The following DCUN1D3 variants were observed in gnomAD, a reference collection of about 807,000 sequenced individuals.
The protein encoded by DCUN1D3 is DCN1-like protein 3.
Under a neutral mutation model 24.8 loss-of-function variants are expected in DCUN1D3, and 6 were observed. That is an observed-to-expected ratio of 0.24 (90% confidence interval 0.13 to 0.48). The LOEUF is 0.48. Ranked by LOEUF, DCUN1D3 falls within the 20% of genes least tolerant of loss-of-function variation. The pLI, the probability that DCUN1D3 is intolerant of heterozygous loss-of-function variation, is 0.99. For synonymous variants in DCUN1D3, 120 were observed against 144.9 expected (o/e 0.83, Z 1.24); for missense variants, 258 against 379.4 (o/e 0.68, Z 2.66).
intron 1 of DCUN1D3, among the ~76,000 whole-genome samples, chr16:20,899,007 A>G (rs970780585): frequency 6.6e-6 from 1 of 152,238 alleles, no homozygotes; most frequent in Non-Finnish European, 1.5e-5. Flanking sequence ...AAAACTAAAC[A>G]GATCACACTG....
chr16:20,884,902 AAGACCCC>A (rs2081861274), intron 1 of DCUN1D3, among the ~76,000 whole-genome samples: 1 of 152,150 alleles, frequency 6.6e-6, no homozygotes, highest in Non-Finnish European at 1.5e-5. Flanking sequence ...GCAACAGAGT[AAGACCCC>A]ATCTCAAAAT....
At chr16:20,862,729 C>T (rs1005356267) in intron 1 of DCUN1D3, 86 bp from the exon 2 acceptor site, 4 of 1,276,142 alleles carry the variant, frequency 3.1e-6, no homozygotes, top group East Asian at 5.1e-5. Context: ...TGGTTCACCG[C>T]TCTATTTCCA....
At position 20,862,199 on chromosome 16, in the gene DCUN1D3, A is replaced by T. The variant is rs764516441; in HGVS notation, c.340T>A (p.Phe114Ile). The T allele has an allele frequency of 1.9e-6, 3 of 1,614,242 alleles. No individual in the cohort carries two copies. The highest frequency in any genetic ancestry group is 1.1e-5 in the South Asian group (1 of 91,086). Residue 114 changes from phenylalanine (F) to isoleucine (I), a missense_variant, in exon 2 of 3, where the codon TTT becomes ATT. Coordinates refer to ENST00000324344, the MANE Select transcript of DCUN1D3 (RefSeq NM_173475.4). ...DAILEEGMER[F>I]CNDLCVDPTE... is the part of the protein sequence containing the mutation. ...GGGTCAACACACAGGTCATTGCAAAAGCGCTCCATGCCTTCCTCCAAAATT... is the reference window on the plus strand; with the variant it reads ...GGGTCAACACACAGGTCATTGCAAATGCGCTCCATGCCTTCCTCCAAAATT...
intron 1 of DCUN1D3, among the ~76,000 whole-genome samples, chr16:20,877,788 T>C (rs1436589859): frequency 6.6e-6 from 1 of 152,204 alleles, no homozygotes; most frequent in Non-Finnish European, 1.5e-5. Context: ...TCAATTCAGT[T>C]CTCAAGAGCT....
intron 1 of DCUN1D3, chr16:20,896,350 T>C (rs2081915799): frequency 6.6e-6 from 1 of 152,208 alleles, no homozygotes; most frequent in African/African-American, 2.4e-5. Context: ...CTTTCTAGGT[T>C]GCCCACCTTT....
chr16:20,890,085 T>TGC (rs774459379), intron 1 of DCUN1D3, among the ~76,000 whole-genome samples: 7 of 152,198 alleles, frequency 4.6e-5, no homozygotes, highest in Non-Finnish European at 8.8e-5. Flanking sequence ...ACTCATACCT[T>TGC]GCCCTATGCG....
At chr16:20,883,229 C>G (rs1458724468) in intron 1 of DCUN1D3, among the ~76,000 whole-genome samples, 2 of 152,074 alleles carry the variant, frequency 1.3e-5, no homozygotes, top group Non-Finnish European at 2.9e-5. Flanking sequence ...AAGTTTTGTT[C>G]TGGCCGGATG....
chr16:20,889,054 C>T (rs1262195820), intron 1 of DCUN1D3, among the ~76,000 whole-genome samples: 1 of 152,090 alleles, frequency 6.6e-6, no homozygotes, highest in East Asian at 1.9e-4. Context: ...ATAGTGAAAC[C>T]CCATCTCTAC....
rs557978888 is a variant in DCUN1D3 at position 20,861,993 on chromosome 16, A to G, written c.431+115T>C. 2.9e-5 allele frequency: 32 copies of G among 1,113,948 alleles called. 1 individual carries two copies. In the African/African-American group the frequency reaches 4.4e-4, roughly 15 times the overall value. 69.0% of individuals were successfully genotyped at this position (1,113,948 alleles called of 1,614,324 possible). A position where few individuals can be genotyped will look rare whatever the true frequency, so the allele number is the denominator to read the frequency against. On this transcript the variant is annotated intron_variant, in intron 2 of 2. Coordinates refer to ENST00000324344, the MANE Select transcript of DCUN1D3 (RefSeq NM_173475.4). ...AGAGAACCTGATCAGAAAAATAAAA[A>G]CTTACCCAAAACCCTATGAAGCCAA...
chr16:20,881,699 C>A (rs549986262), intron 1 of DCUN1D3, among the ~76,000 whole-genome samples: 1 of 152,134 alleles, frequency 6.6e-6, no homozygotes, highest in East Asian at 1.9e-4. Context: ...AAGCTCAGAA[C>A]TAAAGCAGCT....
Position 20,858,651 on chromosome 16 carries a change from C to T in DCUN1D3, c.*1235G>A, listed in dbSNP as rs908240593. ...CAGTCATCACATTACCCCAAATGAG[C>T]CTGACTTTAACAAAAAGATAATAAA... is the stretch of plus-strand genomic sequence containing the variant. On this transcript the variant is annotated 3_prime_UTR_variant, in exon 3 of 3. Transcript: ENST00000324344. The T allele has an allele frequency of 3.3e-5, 5 of 150,716 alleles. No individual in the cohort carries two copies. The highest frequency in any genetic ancestry group is 1.2e-4 in the African/African-American group (5 of 40,912). The allele number at this position is 150,716 out of a possible 1,614,324, so 9.3% of individuals were successfully genotyped here.
chr16:20,862,944 A>G (rs970245891), intron 1 of DCUN1D3, among the ~76,000 whole-genome samples: 5 of 152,224 alleles, frequency 3.3e-5, no homozygotes, highest in African/African-American at 1.2e-4. Flanking sequence ...AATATTCCAG[A>G]GGAAATCTGT....
intron 1 of DCUN1D3, among the ~76,000 whole-genome samples, chr16:20,899,420 C>T (rs1343899222): frequency 6.6e-6 from 1 of 152,128 alleles, no homozygotes; most frequent in Non-Finnish European, 1.5e-5. Context: ...GTACTCCCAA[C>T]GTGACAGCCT....
chr16:20,862,079 C>A, intron 2 of DCUN1D3, 29 bp downstream of exon 2: 3 of 1,606,766 alleles, frequency 1.9e-6, no homozygotes, highest in Non-Finnish European at 2.6e-6. Flanking sequence ...CCACTGCTCA[C>A]CTGGTGACAT....
rs559638721 is a variant in DCUN1D3, at chr16:20,883,317, C to A, written c.-106+16887G>T. On this transcript the variant is annotated intron_variant, in intron 1 of 2. Coordinates refer to ENST00000324344, the MANE Select transcript of DCUN1D3 (RefSeq NM_173475.4). Reference sequence around the variant, plus strand: ...CACGAGGTCAGGAGATCGAGACCATCCTGGCTAACACGGTGAAACCCCGTC... The same window carrying A: ...CACGAGGTCAGGAGATCGAGACCATACTGGCTAACACGGTGAAACCCCGTC... 6.4e-4 allele frequency among the ~76,000 whole-genome samples: 97 copies of A among 152,236 alleles called. 1 individual carries two copies. The highest frequency in any genetic ancestry group is 2.2e-3 in the African/African-American group (90 of 41,552).
intron 1 of DCUN1D3, among the ~76,000 whole-genome samples, chr16:20,894,564 A>G (rs1186499742): frequency 6.6e-6 from 1 of 152,166 alleles, no homozygotes; most frequent in Non-Finnish European, 1.5e-5. Flanking sequence ...TCCCAACACT[A>G]TGCAATCCAA....
rs2081712090 is a variant in DCUN1D3, at chr16:20,858,285, T to C, written c.*1601A>G. The C allele has an allele frequency of 6.6e-6, 1 of 152,584 alleles. No homozygotes were observed. The highest frequency in any genetic ancestry group is 1.5e-5 in the Non-Finnish European group (1 of 68,038). 9.5% of individuals were successfully genotyped at this position (152,584 alleles called of 1,614,324 possible). A position where few individuals can be genotyped will look rare whatever the true frequency, so the allele number is the denominator to read the frequency against. On this transcript the variant is annotated 3_prime_UTR_variant, in exon 3 of 3. Transcript: ENST00000324344. ...GCCCCTGTGGCAGCCTGGCCAAAGC[T>C]GGCCTTTATGGAGCCAGCGCGTGGA...
intron 1 of DCUN1D3, among the ~76,000 whole-genome samples, chr16:20,894,368 C>T (rs1288215122): frequency 2.6e-5 from 4 of 152,114 alleles, no homozygotes; most frequent in African/African-American, 4.8e-5. Context: ...GCAGTGGCTC[C>T]GAGATGCTAA....
Position 20,860,502 on chromosome 16 carries a change from T to G in DCUN1D3, c.432-133A>C. On this transcript the variant is annotated intron_variant, in intron 2 of 2. Transcript: ENST00000324344. This position sits in a 1 kb window ranked among gnomAD's most constrained non-coding sequence, Gnocchi z 4.3. ...AATTCTAACTCCTCCAACTAATTAGTCCTATTTCCTTACTTGTCAAATGGT... is the reference window on the plus strand; with the variant it reads ...AATTCTAACTCCTCCAACTAATTAGGCCTATTTCCTTACTTGTCAAATGGT... 1.7e-5 allele frequency: 16 copies of G among 921,044 alleles called. No homozygotes were observed. Among genetic ancestry groups the G allele is most frequent in the East Asian group, 2.6e-5 (1 of 37,810 alleles). 57.1% of individuals were successfully genotyped at this position (921,044 alleles called of 1,614,324 possible).
Sources: allele counts gnomAD v4.1 joint callset (sites outside exome capture counted in the v4.1 genomes callset), GRCh38; gene constraint gnomAD v4.1.1; non-coding constraint Gnocchi (gnomAD v3.1); transcripts MANE v1.5; gene names NCBI Gene and HGNC (gene_info 2026-07-23, HGNC 2026-07-21).